Variants in SCARA3 observed in about 807,000 individuals in gnomAD.
SCARA3 encodes scavenger receptor class A member 3.
A neutral mutation model predicts 47.0 loss-of-function variants in SCARA3; 39 were observed. That is an observed-to-expected ratio of 0.83 (90% CI 0.64 to 1.08). The LOEUF (loss-of-function observed/expected upper bound fraction) is 1.08, where lower values mean the gene tolerates loss of function less well. Ranked by LOEUF, SCARA3 falls within the 50% of genes least tolerant of loss-of-function variation. SCARA3 has a pLI of 0.00. For missense variants in SCARA3, 724 were observed against 792.3 expected, an observed-to-expected ratio of 0.91 and a Z score of 1.04; for synonymous variants, 356 against 334.1, an observed-to-expected ratio of 1.07 and a Z score of -0.71.
At chr8:27,653,183 A>T (rs909368020) in intron 3 of SCARA3, among the ~76,000 whole-genome samples, 2 of 152,244 alleles carry the variant, frequency 1.3e-5, no homozygotes, top group African/African-American at 4.8e-5. Context: ...CAAAGCTCCA[A>T]GAGCCACAGG....
At chr8:27,644,755 C>T (rs576748623) in intron 1 of SCARA3, among the ~76,000 whole-genome samples, 1 of 152,186 alleles carries the variant, frequency 6.6e-6, no homozygotes, top group South Asian at 2.1e-4. Context: ...CCCTTCCAGA[C>T]ACCCAGCATG....
chr8:27,651,692 A>T (rs1175381556), intron 3 of SCARA3, 65 bp downstream of exon 3: 2 of 1,590,272 alleles, frequency 1.3e-6, no homozygotes, highest in African/African-American at 1.3e-5. Flanking sequence ...CAGCACCAAA[A>T]GTTCCCCTGC....
At chr8:27,665,196 A>C (rs1446322505) in intron 5 of SCARA3, among the ~76,000 whole-genome samples, 3 of 152,174 alleles carry the variant, frequency 2.0e-5, no homozygotes, top group Non-Finnish European at 4.4e-5. Context: ...CTGGCTTCTG[A>C]TGTGCTCTGG....
chr8:27,675,910 G>A (rs1452904100), downstream of SCARA3, among the ~76,000 whole-genome samples: 3 of 152,102 alleles, frequency 2.0e-5, no homozygotes, highest in African/African-American at 7.2e-5. Context: ...GGGAGGTGGG[G>A]GAGGAACGTG....
At chr8:27,714,958 T>C in the SCARA3 span, among the ~76,000 whole-genome samples, 2 of 152,116 alleles carry the variant, frequency 1.3e-5, no homozygotes, top group African/African-American at 4.8e-5. Context: ...CTTGCTCTGT[T>C]GCCCAGTCTG....
intron 1 of SCARA3, among the ~76,000 whole-genome samples, chr8:27,639,334 A>G (rs1801331086): frequency 6.6e-6 from 1 of 152,172 alleles, no homozygotes; most frequent in Non-Finnish European, 1.5e-5. Flanking sequence ...AAAAGAACAA[A>G]TGCACGGCAT....
chr8:27,703,966 G>A, the SCARA3 span, among the ~76,000 whole-genome samples: 1 of 150,302 alleles, frequency 6.7e-6, no homozygotes, highest in Non-Finnish European at 1.5e-5. Flanking sequence ...TGTTAAGCAG[G>A]ATGAGGGGCT....
At chr8:27,690,281 A>G in the SCARA3 span, among the ~76,000 whole-genome samples, 1 of 119,578 alleles carries the variant, frequency 8.4e-6, no homozygotes, top group East Asian at 2.6e-4. Context: ...GCACATGAGC[A>G]GCCAGCGCAC....
chr8:27,700,302 T>C, the SCARA3 span, among the ~76,000 whole-genome samples: 636 of 152,182 alleles, frequency 4.2e-3, 7 homozygotes, highest in African/African-American at 0.015. Flanking sequence ...AAAGAACTCA[T>C]ACATCTCAAT....
At chr8:27,697,249 G>T in the SCARA3 span, 1,529 of 221,158 alleles carry the variant, frequency 6.9e-3, 12 homozygotes, top group South Asian at 0.011. Flanking sequence ...CTTAGTGAGA[G>T]CATGCATGAT....
chr8:27,638,314 T>TTGTGTGTGTGTG (rs55695492), intron 1 of SCARA3, among the ~76,000 whole-genome samples: 2,630 of 146,676 alleles, frequency 0.018, 100 homozygotes, highest in African/African-American at 0.062. Context: ...AATTTAGTGA[T>TTGTGTGTGTGTG]TGTGTGTGTG....
At chr8:27,730,224 TGTCCAAATAGAG>T in the SCARA3 span, among the ~76,000 whole-genome samples, 1 of 152,212 alleles carries the variant, frequency 6.6e-6, no homozygotes, top group Non-Finnish European at 1.5e-5. Context: ...TGTAACTCTG[TGTCCAAATAGAG>T]GCCCGCTCAA....
rs1223741880 is a variant in SCARA3, at chr8:27,670,888, C to T, written c.1370-12C>T. 6.6e-7 allele frequency: 1 copy of T among 1,516,490 alleles called. No homozygotes were observed. The highest frequency in any genetic ancestry group is 8.8e-7 in the Non-Finnish European group (1 of 1,134,688). The allele number at this position is 1,516,490 out of a possible 1,614,324, so 93.9% of individuals were successfully genotyped here. The stretch of plus-strand genomic sequence containing the variant: ...GACAGACTGACCTCTCCCATCTTCT[C>T]TCCAACCTCAGGTGCCCCCGGCCCT... On this transcript the variant is annotated splice_polypyrimidine_tract_variant and intron_variant, in intron 5 of 5. Coordinates refer to ENST00000301904, the MANE Select transcript of SCARA3 (RefSeq NM_016240.3).
the SCARA3 span, among the ~76,000 whole-genome samples, chr8:27,713,649 C>T: frequency 3.9e-5 from 6 of 152,164 alleles, no homozygotes; most frequent in African/African-American, 1.4e-4. Context: ...TTCTGTGTCT[C>T]TCTGAGTTGT....
chr8:27,644,621 G>GGGGAGA (rs1554536821), intron 1 of SCARA3, among the ~76,000 whole-genome samples: 7 of 147,270 alleles, frequency 4.8e-5, no homozygotes, highest in East Asian at 2.0e-4. Context: ...GAAAAGAAGG[G>GGGGAGA]GAGAGAGAGA....
the SCARA3 span, among the ~76,000 whole-genome samples, chr8:27,708,758 T>C: frequency 1.3e-5 from 2 of 152,216 alleles, no homozygotes; most frequent in Non-Finnish European, 2.9e-5. Context: ...TATTGTGTGA[T>C]GCTGAGGTTT....
Position 27,646,964 on chromosome 8 carries a change from CCGCCCCCG to C in SCARA3, c.8-2736_8-2729del, listed in dbSNP as rs751091779. The stretch of plus-strand genomic sequence containing the variant: ...CCAAAGCACTTGCCCGCACCCCTGA[CCGCCCCCG>C]CCCCCCCCCCGCACACACACACTAT... On this transcript the variant is annotated intron_variant, in intron 1 of 5. Coordinates refer to ENST00000301904, the MANE Select transcript of SCARA3 (RefSeq NM_016240.3). 7.7e-3 allele frequency among the ~76,000 whole-genome samples: 214 copies of C among 27,858 alleles called. 18 individuals are homozygous for C. Among genetic ancestry groups the C allele is most frequent in the Middle Eastern group, 0.019 (1 of 52 alleles). 18.3% of individuals were successfully genotyped at this position (27,858 alleles called of 152,430 possible). A position where few individuals can be genotyped will look rare whatever the true frequency, so the allele number is the denominator to read the frequency against.
chr8:27,712,414 T>C, the SCARA3 span, among the ~76,000 whole-genome samples: 1 of 151,028 alleles, frequency 6.6e-6, no homozygotes, highest in Non-Finnish European at 1.5e-5. Context: ...ATACAAAAAA[T>C]TAGCCGGGCG....
downstream of SCARA3, among the ~76,000 whole-genome samples, chr8:27,680,880 A>G (rs1019584833): frequency 6.6e-6 from 1 of 152,140 alleles, no homozygotes; most frequent in Admixed American, 6.5e-5. Flanking sequence ...ATATGTACAG[A>G]GTTAAGGAGA....
Sources: allele counts gnomAD v4.1 joint callset (sites outside exome capture counted in the v4.1 genomes callset), GRCh38; gene constraint gnomAD v4.1.1; transcripts MANE v1.5; gene names NCBI Gene and HGNC (gene_info 2026-07-23, HGNC 2026-07-21).